Variants in DPH6 observed in about 807,000 individuals in gnomAD.
The protein encoded by DPH6 is diphthamine biosynthesis 6.
Under a neutral mutation model 38.2 loss-of-function variants are expected in DPH6, and 33 were observed. That is an observed-to-expected ratio of 0.86 (90% confidence interval 0.65 to 1.15). The LOEUF (loss-of-function observed/expected upper bound fraction) is 1.15. Ranked by LOEUF, DPH6 falls within the 50% of genes most tolerant of loss-of-function variation. DPH6 has a pLI of 0.00. For missense variants in DPH6, 325 were observed against 320.0 expected (o/e 1.02, Z -0.12); for synonymous variants, 108 against 103.0 (o/e 1.05, Z -0.30).
the DPH6 span, among the ~76,000 whole-genome samples, chr15:35,208,767 T>C: frequency 6.6e-6 from 1 of 152,158 alleles, no homozygotes; most frequent in African/African-American, 2.4e-5. Context: ...TCTTTCCCCA[T>C]ACCCCTCTTA....
intron 7 of DPH6, among the ~76,000 whole-genome samples, chr15:35,373,879 C>G (rs768851297): frequency 2.0e-5 from 3 of 151,992 alleles, no homozygotes; most frequent in Non-Finnish European, 4.4e-5. Flanking sequence ...GCTCTCTGAA[C>G]AATTTTAAGA....
downstream of DPH6, among the ~76,000 whole-genome samples, chr15:35,369,163 G>A (rs1015640288): frequency 6.6e-6 from 1 of 151,658 alleles, no homozygotes; most frequent in African/African-American, 2.4e-5. Flanking sequence ...TATTATCAAG[G>A]AAAGGCATTA....
At chr15:35,239,938 A>G (rs1454857815) in intron 3 of DPH6, among the ~76,000 whole-genome samples, 1 of 137,242 alleles carries the variant, frequency 7.3e-6, no homozygotes, top group African/African-American at 2.6e-5. Context: ...CCAATCCCTT[A>G]TTTCCGTGCC....
intron 3 of DPH6, among the ~76,000 whole-genome samples, chr15:35,277,714 T>C (rs942007520): frequency 6.6e-6 from 1 of 152,154 alleles, no homozygotes; most frequent in Non-Finnish European, 1.5e-5. Context: ...TGGAAATAAA[T>C]AAGTTACTGG....
intron 3 of DPH6, among the ~76,000 whole-genome samples, chr15:35,462,749 T>C (rs1193501938): frequency 6.6e-6 from 1 of 152,234 alleles, no homozygotes; most frequent in South Asian, 2.1e-4. Flanking sequence ...TAAATATTTA[T>C]GTTTAAAATG....
chr15:35,457,202 G>T (rs186147078), intron 3 of DPH6, among the ~76,000 whole-genome samples: 1 of 151,934 alleles, frequency 6.6e-6, no homozygotes, highest in Non-Finnish European at 1.5e-5. Flanking sequence ...TGATCTGCCC[G>T]CCTTGGCCTC....
At chr15:35,497,636 A>G (rs1372127799) in intron 3 of DPH6, among the ~76,000 whole-genome samples, 2 of 152,206 alleles carry the variant, frequency 1.3e-5, no homozygotes, top group Admixed American at 1.3e-4. Context: ...GAAAAGGAAA[A>G]GAAAAAGACC....
the DPH6 span, among the ~76,000 whole-genome samples, chr15:35,184,948 T>TG: frequency 2.9e-3 from 440 of 152,306 alleles, 1 homozygote; most frequent in African/African-American, 0.01. Flanking sequence ...AGTTTTCCAT[T>TG]GGAACTATGG....
downstream of DPH6, among the ~76,000 whole-genome samples, chr15:35,329,484 T>C (rs1041869440): frequency 1.3e-5 from 2 of 152,198 alleles, no homozygotes; most frequent in Non-Finnish European, 2.9e-5. Context: ...GATTTCTAAA[T>C]TCCTTGACAA....
rs2054742936 is a variant in DPH6 at position 35,509,793 on chromosome 15, G to C, written c.312+28481C>G. ...AGCATAGTGCTTAAGCAAGGGGAAA[G>C]CCTTCTTACTTATCTTTCTTTGGAG... On this transcript the variant is annotated intron_variant, in intron 3 of 8. Transcript: ENST00000256538. Among the ~76,000 whole-genome samples the C allele has an allele frequency of 2.0e-5, 3 of 152,218 alleles. No individual in the cohort carries two copies. In the South Asian group the frequency reaches 6.2e-4, roughly 32 times the overall value.
Position 35,520,843 on chromosome 15 carries a change from A to G in DPH6, c.312+17431T>C. On this transcript the variant is annotated intron_variant, in intron 3 of 8. Coordinates refer to ENST00000256538, the MANE Select transcript of DPH6 (RefSeq NM_080650.4). Reference sequence around the variant, plus strand: ...AAATCCACATTAATACAGGTACCATAATAAAACTAAGGCCTCTAATAAAGG... The same window carrying G: ...AAATCCACATTAATACAGGTACCATGATAAAACTAAGGCCTCTAATAAAGG... 3.0e-6 allele frequency: 3 copies of G among 985,070 alleles called. No homozygotes were observed. The African/African-American group carries it at 5.2e-5, about 17-fold the overall frequency. 61.0% of individuals were successfully genotyped at this position (985,070 alleles called of 1,614,324 possible).
At chr15:35,420,457 A>T (rs1279856583) in intron 5 of DPH6, among the ~76,000 whole-genome samples, 1 of 152,194 alleles carries the variant, frequency 6.6e-6, no homozygotes, top group Non-Finnish European at 1.5e-5. Flanking sequence ...GCATAAATAA[A>T]TAAAATTGAG....
intron 3 of DPH6, among the ~76,000 whole-genome samples, chr15:35,507,261 T>C (rs1467479422): frequency 6.6e-6 from 1 of 152,038 alleles, no homozygotes; most frequent in Non-Finnish European, 1.5e-5. Context: ...ATTCTAAAGA[T>C]GAATATACAA....
At chr15:35,308,624 A>G (rs1477947501) in intron 3 of DPH6, among the ~76,000 whole-genome samples, 3 of 152,218 alleles carry the variant, frequency 2.0e-5, no homozygotes, top group Non-Finnish European at 4.4e-5. Context: ...GTTTATACCT[A>G]TACCCAGAGA....
chr15:35,163,675 T>G, the DPH6 span, among the ~76,000 whole-genome samples: 2 of 151,872 alleles, frequency 1.3e-5, no homozygotes, highest in Non-Finnish European at 2.9e-5. Context: ...TACATCTAAA[T>G]TCGTCAGCAC....
At chr15:35,438,486 T>C (rs1305994562) in intron 5 of DPH6, among the ~76,000 whole-genome samples, 1 of 152,238 alleles carries the variant, frequency 6.6e-6, no homozygotes, top group African/African-American at 2.4e-5. Flanking sequence ...AATTTGTTTT[T>C]GTCTTCCAGC....
At chr15:35,408,918 G>A (rs1438722388) in intron 6 of DPH6, among the ~76,000 whole-genome samples, 1 of 151,930 alleles carries the variant, frequency 6.6e-6, no homozygotes, top group Non-Finnish European at 1.5e-5. Flanking sequence ...AGAAGAAAGA[G>A]AGGTAGTCAG....
the DPH6 span, among the ~76,000 whole-genome samples, chr15:35,174,020 T>A: frequency 6.6e-6 from 1 of 152,210 alleles, no homozygotes; most frequent in African/African-American, 2.4e-5. Context: ...CTTGCCTCCA[T>A]GGAGCTTGCA....
chr15:35,367,718 A>G (rs1471822292), downstream of DPH6, among the ~76,000 whole-genome samples: 1 of 151,850 alleles, frequency 6.6e-6, no homozygotes, highest in African/African-American at 2.4e-5. Context: ...ATTTAAGTAG[A>G]TTAATTATTT....
Sources: gnomAD v4.1 joint callset for allele counts (sites outside exome capture counted in the v4.1 genomes callset) on GRCh38, gnomAD v4.1.1 for gene constraint, MANE v1.5 for transcripts, NCBI Gene and HGNC (gene_info 2026-07-23, HGNC 2026-07-21) for gene names.